PTPN21: variants seen among roughly 807,000 people sequenced by gnomAD.
PTPN21 encodes tyrosine-protein phosphatase non-receptor type 21.
Under a neutral mutation model 131.8 loss-of-function variants are expected in PTPN21, and 77 were observed. The observed-to-expected ratio is 0.58, with a 90% confidence interval of 0.49 to 0.71. The LOEUF is 0.71. PTPN21 is among the 30% of genes least tolerant of loss of function. The pLI is 0.00. For synonymous variants in PTPN21, 715 were observed against 621.3 expected (o/e 1.15, Z -2.24); for missense variants, 1,552 against 1,527.1 (o/e 1.02, Z -0.27).
At chr14:88,532,130 C>G (rs991442199) in intron 2 of PTPN21, among the ~76,000 whole-genome samples, 1 of 149,454 alleles carries the variant, frequency 6.7e-6, no homozygotes, top group Non-Finnish European at 1.5e-5. Flanking sequence ...AAACTGCCAA[C>G]AAAAAACAAG....
chr14:88,485,557 G>C (rs1366976427), intron 11 of PTPN21, among the ~76,000 whole-genome samples: 10 of 151,934 alleles, frequency 6.6e-5, no homozygotes, highest in East Asian at 3.9e-4. Flanking sequence ...AATAGTCTAA[G>C]TTCTTAATAT....
chr14:88,510,908 CAGAT>C (rs1222594583), intron 3 of PTPN21, among the ~76,000 whole-genome samples: 5 of 146,172 alleles, frequency 3.4e-5, no homozygotes, highest in South Asian at 4.4e-4. Flanking sequence ...GATACACAGA[CAGAT>C]AGATTTTTTT....
intron 2 of PTPN21, among the ~76,000 whole-genome samples, chr14:88,530,656 A>G (rs1252436470): frequency 6.6e-6 from 1 of 152,318 alleles, no homozygotes; most frequent in African/African-American, 2.4e-5. Context: ...TGGGCGAATC[A>G]GGCTTTAAAG....
At chr14:88,529,415 T>A (rs958520142) in intron 2 of PTPN21, among the ~76,000 whole-genome samples, 5 of 152,124 alleles carry the variant, frequency 3.3e-5, no homozygotes, top group Non-Finnish European at 5.9e-5. Flanking sequence ...TCAGGGATAC[T>A]GGTCTGTAGC....
intron 3 of PTPN21, among the ~76,000 whole-genome samples, chr14:88,516,245 T>C (rs947307475): frequency 2.6e-5 from 4 of 152,086 alleles, no homozygotes; most frequent in Non-Finnish European, 5.9e-5. Context: ...CATAGATGCT[T>C]CATGGAGGAG....
intron 12 of PTPN21, among the ~76,000 whole-genome samples, chr14:88,483,803 T>C (rs1431175687): frequency 1.3e-5 from 2 of 152,136 alleles, no homozygotes; most frequent in Non-Finnish European, 2.9e-5. Flanking sequence ...CTGAGGAGCA[T>C]GGTAATTGCA....
intron 3 of PTPN21, among the ~76,000 whole-genome samples, chr14:88,511,162 C>G (rs1043326921): frequency 1.3e-5 from 2 of 152,058 alleles, no homozygotes; most frequent in African/African-American, 4.8e-5. Context: ...GCGATCCTCC[C>G]ACTTCGGCCA....
chr14:88,533,820 G>C (rs1410869499), intron 2 of PTPN21, among the ~76,000 whole-genome samples: 1 of 152,052 alleles, frequency 6.6e-6, no homozygotes, highest in Non-Finnish European at 1.5e-5. Flanking sequence ...GCAGTGAGCT[G>C]TGATTGAGCC....
chr14:88,484,473 G>A (rs2077703725), intron 12 of PTPN21, among the ~76,000 whole-genome samples: 2 of 150,026 alleles, frequency 1.3e-5, no homozygotes, highest in African/African-American at 2.5e-5. Flanking sequence ...GAAAGCCTCT[G>A]GCAGGGAAAG....
intron 2 of PTPN21, among the ~76,000 whole-genome samples, chr14:88,539,419 T>C (rs981732447): frequency 6.6e-6 from 1 of 152,070 alleles, no homozygotes; most frequent in African/African-American, 2.4e-5. Context: ...CCAGCAATAT[T>C]GTATTTTTAG....
At chr14:88,541,636 C>G (rs563167002) in intron 2 of PTPN21, among the ~76,000 whole-genome samples, 1 of 152,272 alleles carries the variant, frequency 6.6e-6, no homozygotes, top group Non-Finnish European at 1.5e-5. Flanking sequence ...CTCTGTCCCC[C>G]CTGAGAGGGG....
At position 88,472,469 on chromosome 14, in the gene PTPN21, T is replaced by C. The variant is rs753997654; in HGVS notation, c.2650-4A>G. On this transcript the variant is annotated splice_region_variant and splice_polypyrimidine_tract_variant and intron_variant, in intron 14 of 18. Transcript: ENST00000556564. Reference sequence around the variant, plus strand: ...ATCGTTGTTCCAGAATTTTACACTATAAAACAGAATATGTGTAATAACATG... The same window carrying C: ...ATCGTTGTTCCAGAATTTTACACTACAAAACAGAATATGTGTAATAACATG... 1.9e-6 allele frequency: 3 copies of C among 1,556,802 alleles called. No individual in the cohort carries two copies. The highest frequency in any genetic ancestry group is 8.9e-7 in the Non-Finnish European group (1 of 1,128,624).
chr14:88,552,966 C>A (rs1414259308), intron 1 of PTPN21, among the ~76,000 whole-genome samples: 1 of 152,018 alleles, frequency 6.6e-6, no homozygotes, highest in Non-Finnish European at 1.5e-5. Flanking sequence ...GGAAACCGGG[C>A]GGATTAAGTA....
rs1595332531 is a variant in PTPN21 at position 88,468,112 on chromosome 14, T to C, written c.*25A>G. 1 of 1,612,798 alleles carries C rather than the reference T, an allele frequency of 6.2e-7. No individual in the cohort carries two copies. The highest frequency in any genetic ancestry group is 8.5e-7 in the Non-Finnish European group (1 of 1,178,836). ...TTAAGCTGTAAACGCTTCACATGAC[T>C]GGCCCCGTAAGAAATTGTGGGAGCT... On this transcript the variant is annotated 3_prime_UTR_variant, in exon 19 of 19. Coordinates refer to ENST00000556564, the MANE Select transcript of PTPN21 (RefSeq NM_007039.4).
chr14:88,479,796 C>G lies in PTPN21; in HGVS notation c.1635G>C (p.Ala545=), dbSNP rs1246631606. 1 of 1,544,544 alleles carries G rather than the reference C, an allele frequency of 6.5e-7. No homozygotes were observed. Among genetic ancestry groups the G allele is most frequent in the Non-Finnish European group, 8.7e-7 (1 of 1,151,540 alleles). ...GAVSVPELTN[A]QLQAQDYPSP... The stretch of plus-strand genomic sequence containing the variant: ...ACGGGTAGTCCTGCGCCTGCAGCTG[C>G]GCATTGGTCAGCTCCGGCACGCTGA... Residue 545 remains alanine, a synonymous_variant, in exon 13 of 19, where the codon GCG becomes GCC. Transcript: ENST00000556564.
At chr14:88,542,283 C>T (rs978947487) in intron 2 of PTPN21, among the ~76,000 whole-genome samples, 1 of 152,292 alleles carries the variant, frequency 6.6e-6, no homozygotes, top group Non-Finnish European at 1.5e-5. Context: ...GTCAAAGCTT[C>T]TAGAGATATT....
At chr14:88,506,850 T>A (rs542980092) in intron 4 of PTPN21, among the ~76,000 whole-genome samples, 2 of 152,212 alleles carry the variant, frequency 1.3e-5, no homozygotes, top group South Asian at 2.1e-4. Context: ...GAGACCAGCC[T>A]GGCCAACATG....
At chr14:88,526,755 T>C (rs8007602) in intron 2 of PTPN21, among the ~76,000 whole-genome samples, 8 of 152,088 alleles carry the variant, frequency 5.3e-5, no homozygotes, top group African/African-American at 7.2e-5. Flanking sequence ...GCACCTATCA[T>C]GTGAGTAGTG....
At chr14:88,490,289 A>G (rs2077804559) in intron 10 of PTPN21, among the ~76,000 whole-genome samples, 2 of 152,178 alleles carry the variant, frequency 1.3e-5, no homozygotes, top group African/African-American at 4.8e-5. Flanking sequence ...GATTACAGGC[A>G]TGAGCCACCG....
Sources: gnomAD v4.1 joint callset for allele counts (sites outside exome capture counted in the v4.1 genomes callset) on GRCh38, gnomAD v4.1.1 for gene constraint, MANE v1.5 for transcripts, NCBI Gene and HGNC (gene_info 2026-07-23, HGNC 2026-07-21) for gene names.